The following CSMD1 variants were observed in gnomAD, a reference collection of about 807,000 sequenced individuals.
CSMD1 encodes the protein CUB and sushi domain-containing protein 1.
CSMD1 carries 213 observed loss-of-function variants against 417.5 expected under a neutral mutation model. The observed-to-expected ratio is 0.51, with a 90% CI of 0.46 to 0.57. CSMD1 has a LOEUF of 0.57. Among genes scored for constraint, CSMD1 ranks in the 20% least tolerant of loss-of-function variants. The probability of loss-of-function intolerance (pLI) is 0.00; values close to 1 mark genes in which losing one functional copy is unlikely to be tolerated. For missense variants in CSMD1, 6,923 were observed against 4,529.7 expected (o/e 1.53, Z -15.17); for synonymous variants, 2,862 against 1,736.8 (o/e 1.65, Z -16.11).
At chr8:3,651,237 G>A (rs917009604) in intron 7 of CSMD1, among the ~76,000 whole-genome samples, 1 of 152,106 alleles carries the variant, frequency 6.6e-6, no homozygotes, top group African/African-American at 2.4e-5. Context: ...AAGACAGATC[G>A]TATCACCCCT....
intron 3 of CSMD1, among the ~76,000 whole-genome samples, chr8:4,078,067 G>A (rs897422183): frequency 6.6e-6 from 1 of 152,068 alleles, no homozygotes; most frequent in Non-Finnish European, 1.5e-5. Context: ...AAATATGTTT[G>A]TAAGAAATGC....
chr8:4,925,071 T>G (rs1357386635), intron 1 of CSMD1, among the ~76,000 whole-genome samples: 2 of 152,196 alleles, frequency 1.3e-5, no homozygotes, highest in Non-Finnish European at 2.9e-5. Context: ...TGGGTTGTTA[T>G]CAAGCATATT....
chr8:3,762,882 G>A (rs1485139328), intron 5 of CSMD1, among the ~76,000 whole-genome samples: 1 of 152,226 alleles, frequency 6.6e-6, no homozygotes, highest in Non-Finnish European at 1.5e-5. Context: ...GGAAGCTGCT[G>A]ATGAGAGCTG....
chr8:3,680,263 A>G (rs989773092), intron 7 of CSMD1, among the ~76,000 whole-genome samples: 11 of 152,136 alleles, frequency 7.2e-5, no homozygotes, highest in African/African-American at 1.9e-4. Flanking sequence ...TTTTTTGAAA[A>G]GATCAACAAA....
chr8:3,955,186 G>A (rs555994903), intron 5 of CSMD1, among the ~76,000 whole-genome samples: 138 of 152,232 alleles, frequency 9.1e-4, no homozygotes, highest in African/African-American at 3.2e-3. Flanking sequence ...CACCACCCGT[G>A]ACCACGTGCA....
At chr8:4,793,378 T>C (rs956029648) in intron 1 of CSMD1, among the ~76,000 whole-genome samples, 10 of 152,140 alleles carry the variant, frequency 6.6e-5, no homozygotes, top group African/African-American at 2.2e-4. Context: ...AAACATAGAA[T>C]AAATTTTGTT....
At chr8:3,561,816 C>A (rs1316728773) in intron 10 of CSMD1, among the ~76,000 whole-genome samples, 1 of 152,154 alleles carries the variant, frequency 6.6e-6, no homozygotes, top group Non-Finnish European at 1.5e-5. Flanking sequence ...AAAGTAGTAT[C>A]TATAAAGTTA....
intron 6 of CSMD1, among the ~76,000 whole-genome samples, chr8:3,722,125 T>G (rs1053145302): frequency 1.3e-5 from 2 of 152,020 alleles, no homozygotes; most frequent in African/African-American, 4.8e-5. Context: ...GGTGGATCAC[T>G]TGAGGTCAGG....
chr8:4,988,556 TTGTTGAAA>T (rs1811298175), intron 1 of CSMD1, among the ~76,000 whole-genome samples: 1 of 152,240 alleles, frequency 6.6e-6, no homozygotes, highest in South Asian at 2.1e-4. Flanking sequence ...TGAAGTTAAT[TTGTTGAAA>T]TGTTATTCCT....
At chr8:3,127,404 T>C (rs1246012354) in intron 41 of CSMD1, 2 of 152,222 alleles carry the variant, frequency 1.3e-5, no homozygotes, top group Non-Finnish European at 2.9e-5. Context: ...ATCAACTTTA[T>C]GTACAAATTA....
intron 3 of CSMD1, among the ~76,000 whole-genome samples, chr8:4,186,299 GT>G (rs1178386258): frequency 2.0e-5 from 3 of 152,086 alleles, no homozygotes; most frequent in African/African-American, 4.8e-5. Context: ...CGTGTTCAAG[GT>G]TGGGGGCAGT....
chr8:3,632,804 T>C (rs1044776926), intron 7 of CSMD1, among the ~76,000 whole-genome samples: 1 of 152,228 alleles, frequency 6.6e-6, no homozygotes, highest in Admixed American at 6.5e-5. Flanking sequence ...CTGTTTCAGG[T>C]GCAAAGACAT....
chr8:4,215,346 G>A (rs1192048472), intron 3 of CSMD1, among the ~76,000 whole-genome samples: 1 of 152,072 alleles, frequency 6.6e-6, no homozygotes, highest in African/African-American at 2.4e-5. Context: ...GTCCACAGAT[G>A]GCACTTCCTT....
At chr8:4,611,414 T>C (rs1801162146) in intron 2 of CSMD1, among the ~76,000 whole-genome samples, 1 of 152,248 alleles carries the variant, frequency 6.6e-6, no homozygotes, top group Non-Finnish European at 1.5e-5. Context: ...GATTGTTTAA[T>C]GTTTTAAACT....
At chr8:3,786,331 G>A (rs561754097) in intron 5 of CSMD1, among the ~76,000 whole-genome samples, 2 of 152,174 alleles carry the variant, frequency 1.3e-5, no homozygotes, top group South Asian at 4.1e-4. Context: ...CTGTTGGATG[G>A]AGGGTCACTG....
chr8:4,881,896 A>G (rs1803427089), intron 1 of CSMD1, among the ~76,000 whole-genome samples: 1 of 152,012 alleles, frequency 6.6e-6, no homozygotes, highest in Non-Finnish European at 1.5e-5. Flanking sequence ...CAGGGGAAAA[A>G]CATTGATGCT....
At chr8:4,476,349 G>C (rs1210056464) in intron 2 of CSMD1, among the ~76,000 whole-genome samples, 2 of 152,062 alleles carry the variant, frequency 1.3e-5, no homozygotes, top group Non-Finnish European at 2.9e-5. Flanking sequence ...ATAAGAATAT[G>C]GTATTAGTAT....
chr8:3,389,293 A>G (rs1371617061), intron 17 of CSMD1, among the ~76,000 whole-genome samples: 1 of 152,008 alleles, frequency 6.6e-6, no homozygotes, highest in Non-Finnish European at 1.5e-5. Flanking sequence ...GATAGGCCCC[A>G]GTGTGTGTTG....
chr8:4,274,535 G>T (rs1796364859), intron 3 of CSMD1, among the ~76,000 whole-genome samples: 1 of 152,106 alleles, frequency 6.6e-6, no homozygotes, highest in Non-Finnish European at 1.5e-5. Flanking sequence ...ACAAATTATA[G>T]TAAGAGGTCT....
Sources: gnomAD v4.1 joint callset for allele counts (sites outside exome capture counted in the v4.1 genomes callset) on GRCh38, gnomAD v4.1.1 for gene constraint, MANE v1.5 for transcripts, NCBI Gene and HGNC (gene_info 2026-07-23, HGNC 2026-07-21) for gene names.